The following CNTNAP2 variants were observed in gnomAD, a reference collection of about 807,000 sequenced individuals.
CNTNAP2 encodes the protein contactin-associated protein-like 2.
Under a neutral mutation model 155.2 loss-of-function variants are expected in CNTNAP2, and 98 were observed. That is an observed-to-expected ratio of 0.63 (90% CI 0.54 to 0.75). The LOEUF (loss-of-function observed/expected upper bound fraction) is 0.75, where lower values mean the gene tolerates loss of function less well. CNTNAP2 is among the 30% of genes least tolerant of loss of function. The pLI is 0.00. For synonymous variants in CNTNAP2, 651 were observed against 631.2 expected (o/e 1.03, Z -0.47); for missense variants, 1,727 against 1,688.1 (o/e 1.02, Z -0.40).
chr7:147,545,532 G>A (rs851821), intron 11 of CNTNAP2, among the ~76,000 whole-genome samples: 73,608 of 151,928 alleles, frequency 0.48, 17,975 homozygotes, highest in East Asian at 0.6. Context: ...TAGGTTATCA[G>A]TCTGAGATAG....
intron 2 of CNTNAP2, among the ~76,000 whole-genome samples, chr7:146,791,826 A>G (rs571548368): frequency 2.6e-5 from 4 of 152,352 alleles, no homozygotes; most frequent in African/African-American, 9.6e-5. Context: ...AAATTCAAAT[A>G]GATTTCTCAC....
intron 21 of CNTNAP2, among the ~76,000 whole-genome samples, chr7:148,360,545 CAAAAGT>C (rs1486949411): frequency 6.6e-6 from 1 of 151,830 alleles, no homozygotes; most frequent in African/African-American, 2.4e-5. Flanking sequence ...TTTTTAAACT[CAAAAGT>C]AAACACTTTT....
chr7:147,399,229 A>G (rs1180494512), intron 10 of CNTNAP2, among the ~76,000 whole-genome samples: 3 of 152,124 alleles, frequency 2.0e-5, no homozygotes, highest in African/African-American at 7.2e-5. Context: ...TGTGGCTTTT[A>G]CTTTGAATGA....
chr7:146,701,229 T>A (rs1398833429), intron 1 of CNTNAP2, among the ~76,000 whole-genome samples: 1 of 152,192 alleles, frequency 6.6e-6, no homozygotes, highest in African/African-American at 2.4e-5. Flanking sequence ...CTAAACATTA[T>A]TAAAATATTT....
intron 20 of CNTNAP2, among the ~76,000 whole-genome samples, chr7:148,253,043 TA>T (rs1309863829): frequency 0.025 from 3,296 of 132,268 alleles, 48 homozygotes; most frequent in Non-Finnish European, 0.031. Context: ...GATAGATAGA[TA>T]GATAGACAGA....
intron 3 of CNTNAP2, among the ~76,000 whole-genome samples, chr7:146,862,828 A>T (rs1325867304): frequency 6.6e-6 from 1 of 152,210 alleles, no homozygotes; most frequent in Non-Finnish European, 1.5e-5. Context: ...TCTTTATGGT[A>T]CAGTGTTATA....
intron 22 of CNTNAP2, among the ~76,000 whole-genome samples, chr7:148,401,113 T>C (rs925159282): frequency 6.6e-6 from 1 of 152,234 alleles, no homozygotes; most frequent in Non-Finnish European, 1.5e-5. Context: ...GAATCCACAG[T>C]TGGGGAACCC....
At chr7:147,116,459 A>C (rs1800991057) in intron 5 of CNTNAP2, among the ~76,000 whole-genome samples, 1 of 151,894 alleles carries the variant, frequency 6.6e-6, no homozygotes, top group South Asian at 2.1e-4. Context: ...GACCTGCCCC[A>C]CCCTTCAGGC....
chr7:147,555,558 A>C (rs914239884), intron 11 of CNTNAP2, among the ~76,000 whole-genome samples: 3 of 152,224 alleles, frequency 2.0e-5, no homozygotes, highest in African/African-American at 7.2e-5. Context: ...AAATTATTTC[A>C]TGCTTTTTCC....
chr7:146,530,550 TA>T (rs1296342116), intron 1 of CNTNAP2, among the ~76,000 whole-genome samples: 1 of 151,916 alleles, frequency 6.6e-6, no homozygotes, highest in Non-Finnish European at 1.5e-5. Flanking sequence ...ACAACCTCAT[TA>T]AAAAGTGGGC....
At chr7:146,806,334 CAAA>C (rs111572841) in intron 2 of CNTNAP2, among the ~76,000 whole-genome samples, 7 of 136,668 alleles carry the variant, frequency 5.1e-5, no homozygotes, top group Non-Finnish European at 4.8e-5. Context: ...CTACTAAATA[CAAA>C]AAAAAAAAAA....
chr7:146,367,860 C>T (rs2129102157), intron 1 of CNTNAP2, among the ~76,000 whole-genome samples: 1 of 152,152 alleles, frequency 6.6e-6, no homozygotes, highest in Non-Finnish European at 1.5e-5. Context: ...TTTCCACAAA[C>T]TATGATTCTG....
chr7:147,568,229 G>GA (rs1350237806), intron 12 of CNTNAP2, among the ~76,000 whole-genome samples: 1 of 150,978 alleles, frequency 6.6e-6, no homozygotes, highest in East Asian at 1.9e-4. Flanking sequence ...CATGAGACAT[G>GA]AAAAAAATCA....
At chr7:148,389,127 G>C (rs1468405431) in intron 22 of CNTNAP2, among the ~76,000 whole-genome samples, 1 of 152,186 alleles carries the variant, frequency 6.6e-6, no homozygotes, top group Non-Finnish European at 1.5e-5. Flanking sequence ...CTGTAGACTG[G>C]AGCTGTTCCT....
intron 10 of CNTNAP2, among the ~76,000 whole-genome samples, chr7:147,412,911 T>C (rs1563195282): frequency 1.3e-5 from 2 of 152,208 alleles, no homozygotes; most frequent in Admixed American, 6.5e-5. Flanking sequence ...ATTTATGCTT[T>C]AGTCTGTAGT....
At chr7:147,228,589 C>T (rs144051325) in intron 8 of CNTNAP2, among the ~76,000 whole-genome samples, 163 of 152,186 alleles carry the variant, frequency 1.1e-3, no homozygotes, top group African/African-American at 3.5e-3. Flanking sequence ...ATTTAAGTAA[C>T]GAAATATCTA....
chr7:147,083,359 G>C (rs886884157), intron 4 of CNTNAP2: 7 of 151,802 alleles, frequency 4.6e-5, no homozygotes, highest in African/African-American at 7.3e-5. Context: ...TTGGAATATG[G>C]GGAACACTGT....
intron 13 of CNTNAP2, among the ~76,000 whole-genome samples, chr7:147,871,225 G>T (rs956658406): frequency 1.3e-5 from 2 of 152,104 alleles, no homozygotes; most frequent in Non-Finnish European, 2.9e-5. Flanking sequence ...CATGTGACTT[G>T]TTGTTGTTGC....
intron 3 of CNTNAP2, among the ~76,000 whole-genome samples, chr7:146,889,275 AG>A (rs1448530206): frequency 6.6e-6 from 1 of 152,168 alleles, no homozygotes; most frequent in Non-Finnish European, 1.5e-5. Flanking sequence ...ATTTCTTCCT[AG>A]GGTCATTGAA....
Sources: gnomAD v4.1 joint callset for allele counts (sites outside exome capture counted in the v4.1 genomes callset) on GRCh38, gnomAD v4.1.1 for gene constraint, MANE v1.5 for transcripts, NCBI Gene and HGNC (gene_info 2026-07-23, HGNC 2026-07-21) for gene names.